MDM2: variants seen among roughly 807,000 people sequenced by gnomAD.
MDM2 encodes MDM2 proto-oncogene.
Under a neutral mutation model 64.3 loss-of-function variants are expected in MDM2, and 11 were observed. That is an observed-to-expected ratio of 0.17 (90% CI 0.11 to 0.28). The LOEUF is 0.28. Among genes scored for constraint, MDM2 ranks in the 10% least tolerant of loss-of-function variants. MDM2 has a pLI of 1.00. For missense variants in MDM2, 388 were observed against 577.1 expected (o/e 0.67, Z 3.36); for synonymous variants, 194 against 192.9 (o/e 1.01, Z -0.05).
intron 3 of MDM2, among the ~76,000 whole-genome samples, chr12:68,815,909 A>G (rs1298901887): frequency 6.6e-6 from 1 of 152,228 alleles, no homozygotes; most frequent in East Asian, 1.9e-4. Flanking sequence ...TCTTGTCTTA[A>G]TGCAGCACAG....
At chr12:68,850,151 G>A (rs1884600153), downstream of MDM2, 1 of 152,128 alleles carries the variant, frequency 6.6e-6, no homozygotes, top group Non-Finnish European at 1.5e-5. Flanking sequence ...CAGGCGTCAT[G>A]GCATGTGCCT....
intron 1 of MDM2, 117 bp downstream of exon 1, chr12:68,808,608 T>G (rs1449592842): frequency 3.4e-6 from 5 of 1,468,472 alleles, no homozygotes; most frequent in Non-Finnish European, 4.6e-6. Flanking sequence ...GGCTGGGGGC[T>G]CGGGGCGCGG....
At chr12:68,836,017 A>G (rs769419446) in intron 9 of MDM2, 33 bp downstream of exon 9, 6 of 1,498,818 alleles carry the variant, frequency 4.0e-6, no homozygotes, top group Non-Finnish European at 5.4e-6. Flanking sequence ...ATTATATTGG[A>G]AAATTATTAA....
intron 2 of MDM2, among the ~76,000 whole-genome samples, chr12:68,810,970 A>G (rs987620961): frequency 1.3e-5 from 2 of 151,898 alleles, no homozygotes; most frequent in African/African-American, 4.8e-5. Flanking sequence ...GGTTCAAGCG[A>G]TTCTCTTGCC....
chr12:68,817,724 C>T (rs913683384), intron 4 of MDM2, among the ~76,000 whole-genome samples: 1 of 151,876 alleles, frequency 6.6e-6, no homozygotes, highest in Admixed American at 6.6e-5. Flanking sequence ...CACTGCACTC[C>T]AGCCTGGGCA....
At chr12:68,815,113 A>G (rs918736205) in intron 3 of MDM2, among the ~76,000 whole-genome samples, 4 of 152,202 alleles carry the variant, frequency 2.6e-5, no homozygotes, top group Non-Finnish European at 5.9e-5. Flanking sequence ...ATCCAAAGAC[A>G]GTGTTTGTAG....
In MDM2 at chr12:68,840,605, A is replaced by C; in HGVS notation, c.*756A>C. Reference sequence around the variant, plus strand: ...CTAGCAGTCTCCGCTTCCCGGGTTCAAGCCATTCTCCTGGCTCAGCCTCTG... The same window carrying C: ...CTAGCAGTCTCCGCTTCCCGGGTTCCAGCCATTCTCCTGGCTCAGCCTCTG... On this transcript the variant is annotated 3_prime_UTR_variant, in exon 11 of 11. Coordinates refer to ENST00000258149, the MANE Select transcript of MDM2 (RefSeq NM_002392.6). 1 of 183,124 alleles carries C rather than the reference A, an allele frequency of 5.5e-6. No individual in the cohort carries two copies. Among genetic ancestry groups the C allele is most frequent in the Non-Finnish European group, 1.2e-5 (1 of 86,340 alleles). The allele number at this position is 183,124 out of a possible 1,614,324, so 11.3% of individuals were successfully genotyped here. A position where few individuals can be genotyped will look rare whatever the true frequency, so the allele number is the denominator to read the frequency against.
intron 2 of MDM2, among the ~76,000 whole-genome samples, chr12:68,812,800 T>C (rs554126241): frequency 5.0e-4 from 76 of 152,290 alleles, no homozygotes; most frequent in African/African-American, 1.7e-3. Context: ...ACCATGCCCG[T>C]TGGTTTACAT....
rs528658200 is a variant in MDM2 at position 68,810,168 on chromosome 12, C to T, written c.99+876C>T. Among the ~76,000 whole-genome samples the T allele has an allele frequency of 2.4e-4, 36 of 152,026 alleles. No homozygotes were observed. In the East Asian group the frequency reaches 5.0e-3, roughly 21 times the overall value. On this transcript the variant is annotated intron_variant, in intron 2 of 10. Coordinates refer to ENST00000258149, the MANE Select transcript of MDM2 (RefSeq NM_002392.6). ...CTCTACTAAAAATACAAAAATTAGT[C>T]GGGCATGGTGGCGCGCGCCTATAAT...
chr12:68,815,321 C>T (rs559450213), intron 3 of MDM2, among the ~76,000 whole-genome samples: 3 of 151,476 alleles, frequency 2.0e-5, no homozygotes, highest in Admixed American at 2.0e-4. Flanking sequence ...TGATATAGTT[C>T]TCAGTTATAG....
chr12:68,808,718 G>A (rs1880585538), intron 1 of MDM2, among the ~76,000 whole-genome samples: 1 of 151,872 alleles, frequency 6.6e-6, no homozygotes, highest in East Asian at 1.9e-4. Flanking sequence ...CGGCTCTCGC[G>A]GCGGTGGGGG....
At chr12:68,817,521 G>C (rs1881485134) in intron 4 of MDM2, among the ~76,000 whole-genome samples, 1 of 152,018 alleles carries the variant, frequency 6.6e-6, no homozygotes, top group African/African-American at 2.4e-5. Context: ...AGGCCAAGGC[G>C]GGTGGATCAC....
At chr12:68,846,422 TGTA>T (rs1224834566), downstream of MDM2, 1 of 152,250 alleles carries the variant, frequency 6.6e-6, no homozygotes, top group Admixed American at 6.5e-5. Context: ...CCATTTATTT[TGTA>T]GGTGAATTTC....
chr12:68,813,534 C>G lies in MDM2; in HGVS notation c.100-20C>G. The G allele has an allele frequency of 6.4e-7, 1 of 1,561,822 alleles. No individual in the cohort carries two copies. The highest frequency in any genetic ancestry group is 8.8e-7 in the Non-Finnish European group (1 of 1,135,910). ...TGGGATAATTTTGGAAGTATAATAG[C>G]AGTTCTTTTCTCTTTATAGGTTAGA... On this transcript the variant is annotated intron_variant, in intron 2 of 10. Coordinates refer to ENST00000258149, the MANE Select transcript of MDM2 (RefSeq NM_002392.6).
chr12:68,813,843 C>T (rs1042741390), intron 3 of MDM2, among the ~76,000 whole-genome samples: 1 of 152,158 alleles, frequency 6.6e-6, no homozygotes, highest in African/African-American at 2.4e-5. Flanking sequence ...AATGGAAGCC[C>T]CGTAAGGGTG....
Position 68,836,722 on chromosome 12 carries a change from TGAA to T in MDM2, c.897_899del (p.Glu299del). The stretch of plus-strand genomic sequence containing the variant: ...CAGGGGAGAGTGATACAGATTCATT[TGAA>T]GAAGATCCTGAAATTTCCTTAGCTG... On this transcript the variant is annotated inframe_deletion, in exon 10 of 11. Coordinates refer to ENST00000258149, the MANE Select transcript of MDM2 (RefSeq NM_002392.6). 2 of 1,612,200 alleles carry T rather than the reference TGAA, an allele frequency of 1.2e-6. No homozygotes were observed. The highest frequency in any genetic ancestry group is 2.2e-5 in the East Asian group (1 of 44,718).
In MDM2 at chr12:68,845,208, AAAG is replaced by A. The variant is rs1340041750; in HGVS notation, c.*5362_*5364del. On this transcript the variant is annotated 3_prime_UTR_variant, in exon 11 of 11. Coordinates refer to ENST00000258149, the MANE Select transcript of MDM2 (RefSeq NM_002392.6). ...TTACATTTTGATTTGATACTTATAA[AAAG>A]AAAAAGTATTTCTTCAGCTTAAAAA... 1.2e-5 allele frequency: 1 copy of A among 86,296 alleles called. No individual in the cohort carries two copies. The highest frequency in any genetic ancestry group is 6.0e-5 in the African/African-American group (1 of 16,662). The allele number at this position is 86,296 out of a possible 1,614,324, so 5.3% of individuals were successfully genotyped here.
At chr12:68,832,481 C>T (rs2136157138) in intron 8 of MDM2, among the ~76,000 whole-genome samples, 1 of 152,142 alleles carries the variant, frequency 6.6e-6, no homozygotes, top group East Asian at 1.9e-4. Context: ...AAGATCTTTG[C>T]AGAGCAAGCC....
intron 7 of MDM2, among the ~76,000 whole-genome samples, chr12:68,827,759 T>A (rs1157096068): frequency 6.6e-6 from 1 of 152,248 alleles, no homozygotes; most frequent in African/African-American, 2.4e-5. Flanking sequence ...TGTCTAACAT[T>A]CTGACCCATT....
Sources: gnomAD v4.1 joint callset for allele counts (sites outside exome capture counted in the v4.1 genomes callset) on GRCh38, gnomAD v4.1.1 for gene constraint, MANE v1.5 for transcripts, NCBI Gene and HGNC (gene_info 2026-07-23, HGNC 2026-07-21) for gene names.